Variants in PHF11 observed in about 807,000 individuals in gnomAD.
PHF11 encodes the protein PHD finger protein 11.
In PHF11, 38 loss-of-function variants were observed where a neutral mutation model predicts 40.5. The ratio of observed to expected loss-of-function variants is 0.94; its 90% CI spans 0.72 to 1.23. The LOEUF (loss-of-function observed/expected upper bound fraction) is 1.23, where lower values mean the gene tolerates loss of function less well. PHF11 is among the 50% of genes most tolerant of loss of function. The probability of loss-of-function intolerance (pLI) is 0.00; values close to 1 mark genes in which losing one functional copy is unlikely to be tolerated. For synonymous variants in PHF11, 127 were observed against 138.2 expected (o/e 0.92, Z 0.57); for missense variants, 369 against 392.4 (o/e 0.94, Z 0.50).
At chr13:49,509,730 C>G (rs1351492437) in intron 2 of PHF11, among the ~76,000 whole-genome samples, 1 of 152,188 alleles carries the variant, frequency 6.6e-6, no homozygotes, top group Non-Finnish European at 1.5e-5. Flanking sequence ...CCAAAAATCT[C>G]TCTTGCCTGC....
intron 1 of PHF11, chr13:49,497,186 TTTCA>T (rs960746244): frequency 1.1e-4 from 137 of 1,289,526 alleles, no homozygotes; most frequent in Non-Finnish European, 1.3e-4. Flanking sequence ...CAGTTGGATA[TTTCA>T]TTCATTGGTA....
At chr13:49,500,501 C>T (rs1367023104) in intron 1 of PHF11, among the ~76,000 whole-genome samples, 1 of 151,996 alleles carries the variant, frequency 6.6e-6, no homozygotes, top group Non-Finnish European at 1.5e-5. Flanking sequence ...AGTGTGACTC[C>T]CATAGTGAGA....
chr13:49,497,391 T>C lies in PHF11; in HGVS notation c.94+1296T>C, dbSNP rs371424804. On this transcript the variant is annotated intron_variant, in intron 1 of 9. Coordinates refer to ENST00000378319, the MANE Select transcript of PHF11 (RefSeq NM_001040443.3). ...CCTGCTCAACCACCAGCCCATTCCATTCGCCCAGGTGCTCCTTGCAAAAAC... is the reference window on the plus strand; with the variant it reads ...CCTGCTCAACCACCAGCCCATTCCACTCGCCCAGGTGCTCCTTGCAAAAAC... 8.5e-5 allele frequency among the ~76,000 whole-genome samples: 13 copies of C among 152,332 alleles called. No individual in the cohort carries two copies. In the East Asian group the frequency reaches 9.6e-4, roughly 11 times the overall value.
intron 1 of PHF11, among the ~76,000 whole-genome samples, chr13:49,505,524 A>C (rs1958975559): frequency 6.6e-6 from 1 of 152,264 alleles, no homozygotes; most frequent in Admixed American, 6.5e-5. Context: ...TCTTTCTTTC[A>C]AAACTAAAAT....
At chr13:49,526,253 T>A (rs7323493) in intron 8 of PHF11, 134 bp from the exon 9 acceptor site, 1 of 626,096 alleles carries the variant, frequency 1.6e-6, no homozygotes, top group Non-Finnish European at 2.9e-6. Context: ...GCTGCTGCTG[T>A]TGCCATCTAA....
chr13:49,519,150 C>T (rs1436868964), intron 4 of PHF11, among the ~76,000 whole-genome samples: 1 of 152,002 alleles, frequency 6.6e-6, no homozygotes, highest in Admixed American at 6.6e-5. Context: ...AATTTTAAAT[C>T]TGATTTCGAG....
intron 8 of PHF11, 24 bp downstream of exon 8, chr13:49,524,240 G>A (rs7332573): frequency 7.6e-4 from 1,191 of 1,558,914 alleles, no homozygotes; most frequent in East Asian, 2.0e-3. Flanking sequence ...GCAATATTTC[G>A]AAGTATAGAG....
In PHF11 at chr13:49,496,062, C is replaced by G. The variant is rs190922219; in HGVS notation, c.61C>G (p.Arg21Gly). ...RVLGASSPEARPAQEALLLPT... is the reference protein window; with the variant it reads ...RVLGASSPEAGPAQEALLLPT... ...GCTCGGCGCCAGCAGCCCGGAGGCCCGGCCCGCGCAGGAGGCGCTCCTCCT... is the reference window on the plus strand; with the variant it reads ...GCTCGGCGCCAGCAGCCCGGAGGCCGGGCCCGCGCAGGAGGCGCTCCTCCT... The change falls in exon 1 of 10, where the codon CGG (arginine) becomes GGG (glycine). Residue 21 changes from arginine to glycine, a missense_variant. Transcript: ENST00000378319. 1.2e-3 allele frequency: 1,595 copies of G among 1,339,968 alleles called. 15 individuals carry two copies. The African/African-American group carries it at 0.021, about 18-fold the overall frequency. The allele number at this position is 1,339,968 out of a possible 1,614,324, so 83.0% of individuals were successfully genotyped here. A position where few individuals can be genotyped will look rare whatever the true frequency, so the allele number is the denominator to read the frequency against.
chr13:49,526,495 T>C (rs200886925), intron 9 of PHF11, 37 bp downstream of exon 9: 5 of 1,023,280 alleles, frequency 4.9e-6, no homozygotes, highest in African/African-American at 1.7e-5. Flanking sequence ...AGCATAGTTT[T>C]GAGAAATATT....
Position 49,506,647 on chromosome 13 carries a change from T to C in PHF11, c.107T>C (p.Val36Ala). The C allele has an allele frequency of 1.9e-6, 3 of 1,613,478 alleles. No homozygotes were observed. Among genetic ancestry groups the C allele is most frequent in the Non-Finnish European group, 1.7e-6 (2 of 1,179,670 alleles). Residue 36 changes from valine (V) to alanine (A), a missense_variant, in exon 2 of 10, where the codon GTT (valine) becomes GCT (alanine). Coordinates refer to ENST00000378319, the MANE Select transcript of PHF11 (RefSeq NM_001040443.3). ...ATATTACTTATAGGTGTCTTTCAGG[T>C]TGCAGAAAAGATGGAAAAAAGGACA... is the stretch of plus-strand genomic sequence containing the variant. ...ALLLPTGVFQ[V>A]AEKMEKRTCA...
At chr13:49,505,920 G>A (rs1384473538) in intron 1 of PHF11, among the ~76,000 whole-genome samples, 1 of 152,036 alleles carries the variant, frequency 6.6e-6, no homozygotes, top group Non-Finnish European at 1.5e-5. Flanking sequence ...ATACAGTATG[G>A]CATTAGGATT....
chr13:49,524,964 C>G (rs1959223414), intron 8 of PHF11, among the ~76,000 whole-genome samples: 1 of 152,104 alleles, frequency 6.6e-6, no homozygotes, highest in Admixed American at 6.5e-5. Flanking sequence ...GAGATTGATT[C>G]GGTCACATAT....
intron 3 of PHF11, among the ~76,000 whole-genome samples, chr13:49,515,836 C>T (rs191127478): frequency 3.3e-5 from 5 of 152,180 alleles, no homozygotes; most frequent in African/African-American, 9.7e-5. Flanking sequence ...TTATGTTCCC[C>T]GTGCAGAAAG....
intron 2 of PHF11, among the ~76,000 whole-genome samples, chr13:49,511,721 A>G (rs573753865): frequency 1.4e-4 from 21 of 152,284 alleles, no homozygotes; most frequent in African/African-American, 4.8e-4. Context: ...TTTCTAAAGT[A>G]TTTTTAAATG....
intron 8 of PHF11, chr13:49,526,168 C>CAAAAAAAAAA (rs10573458): frequency 5.0e-5 from 17 of 341,208 alleles, no homozygotes; most frequent in South Asian, 6.5e-5. Context: ...GATTCTGTCT[C>CAAAAAAAAAA]AAAAAAAAAA....
At chr13:49,496,260 T>C (rs1354878440) in intron 1 of PHF11, 165 bp downstream of exon 1, 3 of 647,316 alleles carry the variant, frequency 4.6e-6, no homozygotes, top group Non-Finnish European at 6.5e-6. Context: ...GGCTCACCAC[T>C]CGCGTGCCTG....
chr13:49,518,179 C>T (rs1342066719), intron 4 of PHF11, 28 bp downstream of exon 4: 2 of 1,499,378 alleles, frequency 1.3e-6, no homozygotes, highest in Admixed American at 1.9e-5. Flanking sequence ...TTTAAAACCA[C>T]ATTTGGGGGA....
intron 1 of PHF11, among the ~76,000 whole-genome samples, chr13:49,498,353 T>A (rs1271178099): frequency 6.6e-6 from 1 of 152,174 alleles, no homozygotes; most frequent in Non-Finnish European, 1.5e-5. Flanking sequence ...TTCCGGTAGA[T>A]CATTCTGACA....
At position 49,506,700 on chromosome 13, in the gene PHF11, T is replaced by A. The variant is rs565847745; in HGVS notation, c.160T>A (p.Tyr54Asn). The A allele has an allele frequency of 6.2e-7, 1 of 1,608,248 alleles. No individual in the cohort carries two copies. Among genetic ancestry groups the A allele is most frequent in the Non-Finnish European group, 8.5e-7 (1 of 1,174,946 alleles). ...TGCACTCTGCCCCAAAGATGTCGAATATAATGTCCTATACTTTGCACAATC... is the reference window on the plus strand; with the variant it reads ...TGCACTCTGCCCCAAAGATGTCGAAAATAATGTCCTATACTTTGCACAATC... ...TCALCPKDVE[Y>N]NVLYFAQSEN... The change falls in exon 2 of 10, where the codon TAT becomes AAT. Residue 54 changes from tyrosine (Y) to asparagine (N), a missense_variant. Coordinates refer to ENST00000378319, the MANE Select transcript of PHF11 (RefSeq NM_001040443.3).
Sources: gnomAD v4.1 joint callset for allele counts (sites outside exome capture counted in the v4.1 genomes callset) on GRCh38, gnomAD v4.1.1 for gene constraint, MANE v1.5 for transcripts, NCBI Gene and HGNC (gene_info 2026-07-23, HGNC 2026-07-21) for gene names.